FAM227B: variants seen among roughly 807,000 people sequenced by gnomAD.
FAM227B encodes family with sequence similarity 227 member B.
A neutral mutation model predicts 73.8 loss-of-function variants in FAM227B; 88 were observed. The ratio of observed to expected loss-of-function variants is 1.19; its 90% confidence interval spans 1.00 to 1.42. The LOEUF is 1.42. Ranked by LOEUF, FAM227B falls within the 40% of genes most tolerant of loss-of-function variation. FAM227B has a pLI of 0.00. For synonymous variants in FAM227B, 210 were observed against 190.5 expected (o/e 1.10, Z -0.84); for missense variants, 632 against 590.9 (o/e 1.07, Z -0.72).
At chr15:49,419,694 C>T (rs1597066357) in intron 11 of FAM227B, among the ~76,000 whole-genome samples, 1 of 152,310 alleles carries the variant, frequency 6.6e-6, no homozygotes, top group Non-Finnish European at 1.5e-5. Flanking sequence ...CCTCTTCATG[C>T]ACCACAGTCC....
chr15:49,389,323 C>T (rs967895567), intron 11 of FAM227B, among the ~76,000 whole-genome samples: 2 of 151,800 alleles, frequency 1.3e-5, no homozygotes, highest in Non-Finnish European at 1.5e-5. Context: ...AGGAAATTAC[C>T]TCTTTTGCAG....
chr15:49,352,261 C>A (rs1224588003), intron 13 of FAM227B, among the ~76,000 whole-genome samples: 1 of 152,184 alleles, frequency 6.6e-6, no homozygotes, highest in Non-Finnish European at 1.5e-5. Context: ...GTCACAAAGT[C>A]AAACTCTAAT....
rs550596246 is a variant in FAM227B, at chr15:49,599,305, G to C, written c.106-9298C>G. ...CTTCAATGTCTCCTCTTTCATTTCT[G>C]ATTCTATTTATTTGAATCTTTCTTC... On this transcript the variant is annotated intron_variant, in intron 3 of 15. Coordinates refer to ENST00000299338, the MANE Select transcript of FAM227B (RefSeq NM_152647.3). Among the ~76,000 whole-genome samples, 45 of 151,882 alleles carry C rather than the reference G, an allele frequency of 3.0e-4. No homozygotes were observed. The East Asian group carries it at 8.5e-3, about 29-fold the overall frequency.
chr15:49,357,343 C>T (rs1385496376), intron 13 of FAM227B, among the ~76,000 whole-genome samples: 5 of 148,410 alleles, frequency 3.4e-5, no homozygotes, highest in Non-Finnish European at 7.5e-5. Context: ...GCTAGCAAGA[C>T]TAATAAAGAA....
At chr15:49,334,476 T>C (rs2039350357) in intron 14 of FAM227B, among the ~76,000 whole-genome samples, 1 of 152,174 alleles carries the variant, frequency 6.6e-6, no homozygotes, top group Non-Finnish European at 1.5e-5. Flanking sequence ...TACAAACATA[T>C]GCCAAAGGTA....
intron 13 of FAM227B, among the ~76,000 whole-genome samples, chr15:49,351,362 G>A (rs778469188): frequency 2.6e-5 from 4 of 152,076 alleles, no homozygotes; most frequent in African/African-American, 7.2e-5. Context: ...AAGAAGATAC[G>A]GCCAATTCCG....
At chr15:49,395,503 G>C (rs1596836980) in intron 11 of FAM227B, among the ~76,000 whole-genome samples, 1 of 152,314 alleles carries the variant, frequency 6.6e-6, no homozygotes, top group East Asian at 1.9e-4. Flanking sequence ...CGGATTCTGA[G>C]TACTGCTGAG....
chr15:49,345,409 C>G (rs1382823485), intron 13 of FAM227B, among the ~76,000 whole-genome samples: 1 of 152,162 alleles, frequency 6.6e-6, no homozygotes, highest in Non-Finnish European at 1.5e-5. Context: ...TTTTCTTGTA[C>G]AACTCAGTGG....
chr15:49,417,656 G>A (rs530840285), intron 11 of FAM227B, among the ~76,000 whole-genome samples: 2 of 152,070 alleles, frequency 1.3e-5, no homozygotes, highest in Non-Finnish European at 2.9e-5. Flanking sequence ...CTTGCACCAC[G>A]TACAAAAATA....
At chr15:49,594,191 T>A (rs975075144) in intron 3 of FAM227B, among the ~76,000 whole-genome samples, 1 of 152,232 alleles carries the variant, frequency 6.6e-6, no homozygotes, top group Non-Finnish European at 1.5e-5. Context: ...GTTGAGCATT[T>A]TTTTCACAGG....
At chr15:49,533,017 T>TC (rs1384744190) in intron 10 of FAM227B, among the ~76,000 whole-genome samples, 2 of 151,922 alleles carry the variant, frequency 1.3e-5, no homozygotes, top group East Asian at 1.9e-4. Flanking sequence ...TTTTTGTGTG[T>TC]CCCCCCCACA....
At chr15:49,345,236 A>G (rs906981996) in intron 13 of FAM227B, among the ~76,000 whole-genome samples, 1 of 152,188 alleles carries the variant, frequency 6.6e-6, no homozygotes, top group African/African-American at 2.4e-5. Flanking sequence ...TTTATTTCTT[A>G]TAAATTATTA....
chr15:49,584,264 G>T (rs1742605415), intron 5 of FAM227B, among the ~76,000 whole-genome samples: 1 of 152,008 alleles, frequency 6.6e-6, no homozygotes. Context: ...ATAAAAAAAT[G>T]ACATGATTAT....
chr15:49,545,226 G>T (rs2071659697), intron 9 of FAM227B, among the ~76,000 whole-genome samples: 1 of 152,120 alleles, frequency 6.6e-6, no homozygotes, highest in Middle Eastern at 3.4e-3. Context: ...TATAACCTAG[G>T]ACAGTTGTAT....
At chr15:49,489,885 G>T (rs894018766) in intron 11 of FAM227B, among the ~76,000 whole-genome samples, 1,456 of 11,434 alleles carry the variant, frequency 0.13, 109 homozygotes, top group South Asian at 0.21. Context: ...TATATATATA[G>T]AGAGAGAGAG....
chr15:49,514,411 T>C (rs2059242576), intron 10 of FAM227B, among the ~76,000 whole-genome samples: 1 of 152,142 alleles, frequency 6.6e-6, no homozygotes, highest in Admixed American at 6.6e-5. Context: ...CTATTGTTAA[T>C]GTATAGGAAT....
intron 11 of FAM227B, among the ~76,000 whole-genome samples, chr15:49,457,533 A>G (rs2053421538): frequency 6.6e-6 from 1 of 152,022 alleles, no homozygotes; most frequent in Non-Finnish European, 1.5e-5. Context: ...TTTTATAAGT[A>G]ACTACATTAT....
At chr15:49,452,686 G>A (rs2052873182) in intron 11 of FAM227B, among the ~76,000 whole-genome samples, 1 of 152,014 alleles carries the variant, frequency 6.6e-6, no homozygotes, top group African/African-American at 2.4e-5. Flanking sequence ...ATTATTTCTG[G>A]GCAAATGAGT....
At chr15:49,539,684 C>T (rs753953510) in intron 10 of FAM227B, among the ~76,000 whole-genome samples, 2 of 152,086 alleles carry the variant, frequency 1.3e-5, no homozygotes, top group Non-Finnish European at 2.9e-5. Flanking sequence ...CAGGTGTTGC[C>T]CTAGGATCTG....
Sources: gnomAD v4.1 joint callset for allele counts (sites outside exome capture counted in the v4.1 genomes callset) on GRCh38, gnomAD v4.1.1 for gene constraint, MANE v1.5 for transcripts, NCBI Gene and HGNC (gene_info 2026-07-23, HGNC 2026-07-21) for gene names.